SPATA19: variants seen among roughly 807,000 people sequenced by gnomAD.
The protein encoded by SPATA19 is spermatogenesis associated 19.
A neutral mutation model predicts 25.0 loss-of-function variants in SPATA19; 19 were observed. The ratio of observed to expected loss-of-function variants is 0.76; its 90% CI spans 0.53 to 1.11. The LOEUF is 1.11. SPATA19 is among the 50% of genes most tolerant of loss of function. The probability of loss-of-function intolerance (pLI) is 0.00; values close to 1 mark genes in which losing one functional copy is unlikely to be tolerated. For synonymous variants in SPATA19, 64 were observed against 69.3 expected, an observed-to-expected ratio of 0.92 and a Z score of 0.38; for missense variants, 222 against 211.4, an observed-to-expected ratio of 1.05 and a Z score of -0.31.
chr11:133,845,156 A>T lies in SPATA19; in HGVS notation c.113T>A (p.Val38Glu). The T allele has an allele frequency of 6.2e-7, 1 of 1,614,180 alleles. No homozygotes were observed. Among genetic ancestry groups the T allele is most frequent in the Non-Finnish European group, 8.5e-7 (1 of 1,180,014 alleles). ...IDVVESEAVSVLHHWLKKTEE... is the reference protein window; with the variant it reads ...IDVVESEAVSELHHWLKKTEE... The stretch of plus-strand genomic sequence containing the variant: ...CACTTTTTTCAACCAATGATGTAGT[A>T]CAGACACAGCCTCACTTTCCACAAC... Residue 38 changes from valine (V) to glutamate (E), a missense_variant, in exon 2 of 7, where the codon GTA (valine) becomes GAA (glutamate). Coordinates refer to ENST00000299140, the MANE Select transcript of SPATA19 (RefSeq NM_174927.3).
At chr11:133,842,595 GA>G (rs1938333735) in intron 4 of SPATA19, 33 bp from the exon 5 acceptor site, 1 of 1,533,322 alleles carries the variant, frequency 6.5e-7, no homozygotes. Context: ...TGGCATATGG[GA>G]TCTGAGTTTC....
chr11:133,842,183 G>A lies in SPATA19; in HGVS notation c.438-78C>T, dbSNP rs896905219. The stretch of plus-strand genomic sequence containing the variant: ...AGCCTACCCAGACCACGGCACAGGG[G>A]CTGCGGTGGGAGGGCAGGCCGTGCC... On this transcript the variant is annotated intron_variant, in intron 5 of 6. Coordinates refer to ENST00000299140, the MANE Select transcript of SPATA19 (RefSeq NM_174927.3). 35 of 1,430,702 alleles carry A rather than the reference G, an allele frequency of 2.4e-5. No homozygotes were observed. In the Admixed American group the frequency reaches 4.2e-4, roughly 17 times the overall value. The allele number at this position is 1,430,702 out of a possible 1,614,324, so 88.6% of individuals were successfully genotyped here. A position where few individuals can be genotyped will look rare whatever the true frequency, so the allele number is the denominator to read the frequency against.
At position 133,844,287 on chromosome 11, in the gene SPATA19, C is replaced by T. The variant is rs759532312; in HGVS notation, c.318G>A (p.Glu106=). 2 of 1,614,164 alleles carry T rather than the reference C, an allele frequency of 1.2e-6. No homozygotes were observed. Among genetic ancestry groups the T allele is most frequent in the South Asian group, 2.2e-5 (2 of 91,074 alleles). ...GGATTCGTGTTCTCTCCTCTAGGAC[C>T]TCTTGGCTCTGGTTTGCCAACAAAT... ...KSDLLANQSQ[E]VLEERTRIQF... is the part of the protein sequence containing the mutation. The change falls in exon 4 of 7, where the codon GAG becomes GAA. Residue 106 remains glutamate (E), a synonymous_variant. Coordinates refer to ENST00000299140, the MANE Select transcript of SPATA19 (RefSeq NM_174927.3).
Position 133,845,440 on chromosome 11 carries a change from T to C in SPATA19, c.7A>G (p.Ile3Val). MIITTWIVYILAR... is the reference protein window; with the variant it reads MIVTTWIVYILAR... Reference sequence around the variant, plus strand: ...AGAATATACACAATCCATGTCGTAATTATCATCTTTGAATGTATACCAGGC... The same window carrying C: ...AGAATATACACAATCCATGTCGTAACTATCATCTTTGAATGTATACCAGGC... Residue 3 changes from isoleucine to valine, a missense_variant, in exon 1 of 7, where the codon ATT becomes GTT. Ile to Val is a conservative substitution (Grantham distance 29, BLOSUM62 3). Coordinates refer to ENST00000299140, the MANE Select transcript of SPATA19 (RefSeq NM_174927.3). The C allele has an allele frequency of 1.2e-6, 2 of 1,614,080 alleles. No individual in the cohort carries two copies. The highest frequency in any genetic ancestry group is 1.7e-6 in the Non-Finnish European group (2 of 1,179,992).
chr11:133,839,651 G>A (rs1185918662), downstream of SPATA19, among the ~76,000 whole-genome samples: 1 of 151,882 alleles, frequency 6.6e-6, no homozygotes, highest in Non-Finnish European at 1.5e-5. Context: ...TGCAAGTTGT[G>A]CACATGTACC....
chr11:133,844,526 G>A lies in SPATA19; in HGVS notation c.250C>T (p.His84Tyr), dbSNP rs781690530. Residue 84 changes from histidine to tyrosine, a missense_variant, in exon 3 of 7, where the codon CAC (histidine) becomes TAC (tyrosine). Transcript: ENST00000299140. Reference sequence around the variant, plus strand: ...TCATTTACCACATCTCTGGTCACGTGGATGTCCTGGCCATGGGTGGGAGGG... The same window carrying A: ...TCATTTACCACATCTCTGGTCACGTAGATGTCCTGGCCATGGGTGGGAGGG... Reference protein sequence around the residue: ...DSPPTHGQDIHVTRDVVKHHL... With the variant: ...DSPPTHGQDIYVTRDVVKHHL... The A allele has an allele frequency of 6.2e-7, 1 of 1,614,128 alleles. No homozygotes were observed. Among genetic ancestry groups the A allele is most frequent in the South Asian group, 1.1e-5 (1 of 91,082 alleles).
downstream of SPATA19, among the ~76,000 whole-genome samples, chr11:133,838,335 G>T (rs1024395286): frequency 2.6e-5 from 4 of 152,276 alleles, 1 homozygote; most frequent in Admixed American, 6.5e-5. Context: ...TAGGAATAAA[G>T]AATGTCTTTG....
downstream of SPATA19, among the ~76,000 whole-genome samples, chr11:133,837,806 G>T (rs1050275618): frequency 2.0e-5 from 3 of 151,820 alleles, no homozygotes; most frequent in Non-Finnish European, 4.4e-5. Flanking sequence ...TTCCCATATT[G>T]TGTTAAATTA....
At chr11:133,845,013 G>A in intron 2 of SPATA19, 121 bp downstream of exon 2, 1 of 841,144 alleles carries the variant, frequency 1.2e-6, no homozygotes, top group Non-Finnish European at 1.9e-6. Flanking sequence ...AATCTAGGAA[G>A]GGTGTCTGGC....
In SPATA19 at chr11:133,842,501, C is replaced by G. The variant is rs1228297121; in HGVS notation, c.421G>C (p.Glu141Gln). The change falls in exon 5 of 7, where the codon GAG (glutamate) becomes CAG (glutamine). Residue 141 changes from glutamate to glutamine, a missense_variant. Physicochemically the swap from Glu to Gln is conservative, Grantham distance 29. Coordinates refer to ENST00000299140, the MANE Select transcript of SPATA19 (RefSeq NM_174927.3). ...ACAGCTTACCTTCGTCTCACCTGCT[C>G]TATTCGATCTCGCATGATGTCCTCT... Reference protein sequence around the residue: ...MTEDIMRDRIEQVRRSISRLT... With the variant: ...MTEDIMRDRIQQVRRSISRLT... The G allele has an allele frequency of 6.2e-7, 1 of 1,613,952 alleles. No individual in the cohort carries two copies. The highest frequency in any genetic ancestry group is 8.5e-7 in the Non-Finnish European group (1 of 1,179,930).
intron 1 of SPATA19, 53 bp from the exon 2 acceptor site, chr11:133,845,243 T>TGG: frequency 3.2e-6 from 5 of 1,555,024 alleles, no homozygotes; most frequent in East Asian, 2.3e-5. Context: ...ATTCAGCTCT[T>TGG]CCCACCCAGC....
chr11:133,836,315 G>A (rs1938211623), downstream of SPATA19, among the ~76,000 whole-genome samples: 1 of 152,160 alleles, frequency 6.6e-6, no homozygotes, highest in Non-Finnish European at 1.5e-5. Flanking sequence ...GAGCATGCAG[G>A]CAAAGGGAGG....
intron 2 of SPATA19, 74 bp from the exon 3 acceptor site, chr11:133,844,714 C>T: frequency 6.7e-7 from 1 of 1,497,342 alleles, no homozygotes; most frequent in African/African-American, 1.4e-5. Flanking sequence ...TCTTCCTTTC[C>T]TTTTATTCAT....
At chr11:133,840,281 T>C (rs946685312), downstream of SPATA19, among the ~76,000 whole-genome samples, 3 of 152,174 alleles carry the variant, frequency 2.0e-5, no homozygotes, top group Admixed American at 2.0e-4. Flanking sequence ...ACAGCTACCT[T>C]GCAAGAAACC....
intron 6 of SPATA19, among the ~76,000 whole-genome samples, chr11:133,841,138 T>C (rs1160885851): frequency 6.6e-6 from 1 of 152,116 alleles, no homozygotes; most frequent in Non-Finnish European, 1.5e-5. Flanking sequence ...AAGTAGATAC[T>C]CTGTTGCATT....
At chr11:133,837,544 G>T (rs574450631), downstream of SPATA19, among the ~76,000 whole-genome samples, 2 of 151,858 alleles carry the variant, frequency 1.3e-5, no homozygotes, top group Admixed American at 1.3e-4. Flanking sequence ...AGAGCATTCT[G>T]TTCTCCTTAA....
At chr11:133,844,994 T>C (rs1938389600) in intron 2 of SPATA19, 140 bp downstream of exon 2, 2 of 761,920 alleles carry the variant, frequency 2.6e-6, no homozygotes, top group Non-Finnish European at 4.3e-6. Context: ...TGTGAAGAAA[T>C]TAGACTCAAA....
downstream of SPATA19, among the ~76,000 whole-genome samples, chr11:133,837,977 A>G (rs185728847): frequency 3.9e-4 from 59 of 152,312 alleles, no homozygotes; most frequent in African/African-American, 1.4e-3. Flanking sequence ...CTGACATGCT[A>G]CAAAACCATA....
chr11:133,844,582 T>C lies in SPATA19; in HGVS notation c.194A>G (p.Gln65Arg). The change falls in exon 3 of 7, where the codon CAG becomes CGG. Residue 65 changes from glutamine (Q) to arginine (R), a missense_variant. Gln to Arg is a conservative substitution (Grantham distance 43). Coordinates refer to ENST00000299140, the MANE Select transcript of SPATA19 (RefSeq NM_174927.3). The stretch of plus-strand genomic sequence containing the variant: ...AGTGGACATCTTCTCCCTTACACCC[T>C]GGGAAGGGTGGTTGATGGACAGCTT... ...KEKLSINHPS[Q>R]GVREKMSTDS... 1 of 1,613,862 alleles carries C rather than the reference T, an allele frequency of 6.2e-7. No individual in the cohort carries two copies. The highest frequency in any genetic ancestry group is 8.5e-7 in the Non-Finnish European group (1 of 1,179,886).
Sources: allele counts gnomAD v4.1 joint callset (sites outside exome capture counted in the v4.1 genomes callset), GRCh38; gene constraint gnomAD v4.1.1; transcripts MANE v1.5; gene names NCBI Gene and HGNC (gene_info 2026-07-23, HGNC 2026-07-21).